AP3B1: variants seen among roughly 807,000 people sequenced by gnomAD.
AP3B1 encodes the protein adaptor related protein complex 3 subunit beta 1, also known as AP-3 complex subunit beta-1.
AP3B1 carries 61 observed loss-of-function variants against 132.5 expected under a neutral mutation model. The observed-to-expected ratio is 0.46, with a 90% CI of 0.37 to 0.57. The LOEUF is 0.57. Among genes scored for constraint, AP3B1 ranks in the 20% least tolerant of loss-of-function variants. The pLI, the probability that AP3B1 is intolerant of heterozygous loss-of-function variation, is 0.00. For synonymous variants in AP3B1, 388 were observed against 438.3 expected, an observed-to-expected ratio of 0.89 and a Z score of 1.43; for missense variants, 1,120 against 1,289.4, an observed-to-expected ratio of 0.87 and a Z score of 2.01.
intron 24 of AP3B1, among the ~76,000 whole-genome samples, chr5:78,030,395 C>T (rs762355232): frequency 4.6e-5 from 7 of 152,112 alleles, no homozygotes; most frequent in East Asian, 3.9e-4. Flanking sequence ...TTGAATCCTT[C>T]GCTGAAAAAT....
intron 6 of AP3B1, among the ~76,000 whole-genome samples, chr5:78,222,842 A>G (rs7708925): frequency 0.032 from 4,860 of 152,140 alleles, 262 homozygotes; most frequent in African/African-American, 0.11. Flanking sequence ...CTCTAAACTA[A>G]TATTTAACTC....
intron 14 of AP3B1, among the ~76,000 whole-genome samples, chr5:78,145,329 A>G (rs1753343014): frequency 6.6e-6 from 1 of 152,210 alleles, no homozygotes; most frequent in Admixed American, 6.5e-5. Context: ...TTTCTCAGTC[A>G]TTCATCGCCA....
intron 7 of AP3B1, among the ~76,000 whole-genome samples, chr5:78,183,664 G>A (rs1390485028): frequency 1.3e-5 from 2 of 151,982 alleles, no homozygotes; most frequent in Admixed American, 6.6e-5. Flanking sequence ...GAGGTCAGGA[G>A]TTCAAGACCA....
rs540526923 is a variant in AP3B1 at position 78,227,589 on chromosome 5, A to G, written c.376-57T>C. On this transcript the variant is annotated intron_variant, in intron 4 of 26. Transcript: ENST00000255194. The stretch of plus-strand genomic sequence containing the variant: ...TTCAACTTTACAATATTTTAAACAT[A>G]TCTTTCAGACACAGTTAATAGGTGC... 5.6e-5 allele frequency: 87 copies of G among 1,562,306 alleles called. No homozygotes were observed. The South Asian group carries it at 8.4e-4, about 15-fold the overall frequency.
intron 20 of AP3B1, among the ~76,000 whole-genome samples, chr5:78,109,033 C>G (rs1179114392): frequency 6.6e-6 from 1 of 152,072 alleles, no homozygotes; most frequent in Non-Finnish European, 1.5e-5. Flanking sequence ...ACATTTTAAA[C>G]TTTCTGGTAA....
chr5:78,221,599 G>A (rs1208621338), intron 6 of AP3B1, among the ~76,000 whole-genome samples: 1 of 151,372 alleles, frequency 6.6e-6, no homozygotes, highest in African/African-American at 2.4e-5. Context: ...TTTTAAAAGG[G>A]GTATTAAAGA....
chr5:78,233,486 C>G (rs1746743215), intron 3 of AP3B1, among the ~76,000 whole-genome samples: 1 of 152,072 alleles, frequency 6.6e-6, no homozygotes, highest in Non-Finnish European at 1.5e-5. Flanking sequence ...CCGCCCACCC[C>G]GGCCTCCCAA....
At chr5:78,058,955 A>G (rs957128136) in intron 22 of AP3B1, among the ~76,000 whole-genome samples, 1 of 152,222 alleles carries the variant, frequency 6.6e-6, no homozygotes, top group Admixed American at 6.5e-5. Flanking sequence ...CACAGGTTCT[A>G]TAAGTGAGGT....
chr5:78,132,634 T>A (rs1315080414), intron 15 of AP3B1, among the ~76,000 whole-genome samples: 1 of 152,232 alleles, frequency 6.6e-6, no homozygotes, highest in Non-Finnish European at 1.5e-5. Context: ...TATATAAACA[T>A]CTTCTGCACC....
chr5:78,248,674 G>A (rs1747488008), intron 2 of AP3B1, among the ~76,000 whole-genome samples: 1 of 151,930 alleles, frequency 6.6e-6, no homozygotes, highest in South Asian at 2.1e-4. Context: ...ATTTTGATTG[G>A]TCCGCCTAAA....
rs1463262881 is a variant in AP3B1, at chr5:78,002,499, A to G, written c.*403T>C. 1 of 449,170 alleles carries G rather than the reference A, an allele frequency of 2.2e-6. No individual in the cohort carries two copies. The highest frequency in any genetic ancestry group is 3.2e-5 in the East Asian group (1 of 30,774). 27.8% of individuals were successfully genotyped at this position (449,170 alleles called of 1,614,324 possible). A position where few individuals can be genotyped will look rare whatever the true frequency, so the allele number is the denominator to read the frequency against. On this transcript the variant is annotated 3_prime_UTR_variant, in exon 27 of 27. Transcript: ENST00000255194. Reference sequence around the variant, plus strand: ...TCTCATTTTCACATACCAAGCTGAGAGGCCATTTAGACTATCTCTTTGCTA... The same window carrying G: ...TCTCATTTTCACATACCAAGCTGAGGGGCCATTTAGACTATCTCTTTGCTA...
At chr5:78,210,117 A>G (rs1745672238) in intron 7 of AP3B1, among the ~76,000 whole-genome samples, 1 of 152,236 alleles carries the variant, frequency 6.6e-6, no homozygotes. Context: ...TAAAGAATGT[A>G]TTCTACCACA....
At chr5:78,045,199 G>C (rs60320330) in intron 22 of AP3B1, among the ~76,000 whole-genome samples, 5,423 of 152,100 alleles carry the variant, frequency 0.036, 316 homozygotes, top group African/African-American at 0.12. Flanking sequence ...TGGCCAACAT[G>C]GTGAAACCCC....
At chr5:78,033,361 A>T (rs181391608) in intron 24 of AP3B1, among the ~76,000 whole-genome samples, 1 of 152,088 alleles carries the variant, frequency 6.6e-6, no homozygotes, top group South Asian at 2.1e-4. Flanking sequence ...GCATAAAATC[A>T]ATGTGTTATG....
intron 25 of AP3B1, among the ~76,000 whole-genome samples, chr5:78,020,484 A>C (rs1747044039): frequency 6.6e-6 from 1 of 152,144 alleles, no homozygotes; most frequent in Admixed American, 6.6e-5. Context: ...ATTTAAAGAC[A>C]TATTAATCAA....
chr5:78,027,897 G>A (rs965605024), intron 24 of AP3B1, among the ~76,000 whole-genome samples: 6 of 152,056 alleles, frequency 3.9e-5, no homozygotes, highest in African/African-American at 9.7e-5. Context: ...AGGCCGAGGC[G>A]GGCAGATCAC....
intron 7 of AP3B1, among the ~76,000 whole-genome samples, chr5:78,204,456 T>A (rs1222334811): frequency 6.6e-6 from 1 of 152,222 alleles, no homozygotes; most frequent in East Asian, 1.9e-4. Flanking sequence ...TCTTATCAGA[T>A]CTTTTCTGAG....
chr5:78,134,099 C>G (rs1052901600), intron 15 of AP3B1, among the ~76,000 whole-genome samples: 1 of 144,192 alleles, frequency 6.9e-6, no homozygotes, highest in South Asian at 2.2e-4. Flanking sequence ...TGCAGTGAGC[C>G]GAGATCGCGC....
At chr5:78,087,068 G>C (rs1750291566) in intron 22 of AP3B1, among the ~76,000 whole-genome samples, 1 of 152,114 alleles carries the variant, frequency 6.6e-6, no homozygotes, top group African/African-American at 2.4e-5. Context: ...ACTACTTCTA[G>C]TGTAGTCATG....
Sources: allele counts gnomAD v4.1 joint callset (sites outside exome capture counted in the v4.1 genomes callset), GRCh38; gene constraint gnomAD v4.1.1; transcripts MANE v1.5; gene names NCBI Gene and HGNC (gene_info 2026-07-23, HGNC 2026-07-21).